The following NPSR1 variants were observed in gnomAD, a reference collection of about 807,000 sequenced individuals.
The protein encoded by NPSR1 is neuropeptide S receptor.
In NPSR1, 48 loss-of-function variants were observed where a neutral mutation model predicts 46.9. The ratio of observed to expected loss-of-function variants is 1.02; its 90% CI spans 0.81 to 1.30. The LOEUF is 1.30. NPSR1 is among the 50% of genes most tolerant of loss of function. The probability of loss-of-function intolerance (pLI) is 0.00; values close to 1 mark genes in which losing one functional copy is unlikely to be tolerated. For synonymous variants in NPSR1, 176 were observed against 168.1 expected (o/e 1.05, Z -0.36); for missense variants, 450 against 449.5 (o/e 1.00, Z -0.01).
rs1784054159 is a variant in NPSR1 at position 34,724,845 on chromosome 7, T to C, written c.280+40161T>C. 2.0e-5 allele frequency among the ~76,000 whole-genome samples: 3 copies of C among 152,164 alleles called. No homozygotes were observed. In the South Asian group the frequency reaches 6.2e-4, roughly 32 times the overall value. ...ATGGGAGTGATAACTACCATCATTA[T>C]ATTACATGGAAAGTACAAAACAAAT... On this transcript the variant is annotated intron_variant, in intron 2 of 8. Coordinates refer to ENST00000360581, the MANE Select transcript of NPSR1 (RefSeq NM_207172.2).
intron 8 of NPSR1, among the ~76,000 whole-genome samples, chr7:34,863,638 T>G (rs1461113383): frequency 6.6e-6 from 1 of 151,852 alleles, no homozygotes; most frequent in Non-Finnish European, 1.5e-5. Flanking sequence ...TCATCATCAA[T>G]TGGTCATTAG....
chr7:34,832,527 G>A (rs1303857873), intron 5 of NPSR1, among the ~76,000 whole-genome samples: 1 of 151,992 alleles, frequency 6.6e-6, no homozygotes, highest in Non-Finnish European at 1.5e-5. Context: ...AAAAAAATGG[G>A]GACACACAGC....
intron 3 of NPSR1, chr7:34,779,820 A>G (rs773618361): frequency 1.8e-5 from 4 of 224,042 alleles, no homozygotes; most frequent in African/African-American, 6.8e-5. Flanking sequence ...GCTTAAAACA[A>G]TAAACATTTA....
chr7:34,807,158 A>AT (rs965904602), intron 3 of NPSR1, among the ~76,000 whole-genome samples: 1 of 152,080 alleles, frequency 6.6e-6, no homozygotes, highest in African/African-American at 2.4e-5. Context: ...TCCAAGTGGT[A>AT]TTTTTTAAAA....
intron 2 of NPSR1, chr7:34,750,742 T>C (rs1280503422): frequency 4.3e-6 from 3 of 694,596 alleles, no homozygotes; most frequent in Non-Finnish European, 8.2e-6. Flanking sequence ...TGCAAGGGCC[T>C]TGCTCTGTGA....
chr7:34,874,265 G>A (rs1791527682), intron 8 of NPSR1, among the ~76,000 whole-genome samples: 2 of 152,308 alleles, frequency 1.3e-5, no homozygotes, highest in African/African-American at 4.8e-5. Context: ...TTGCTCAAAT[G>A]TAATGTAGAA....
In NPSR1 at chr7:34,658,466, G is replaced by T. The variant is rs144511471; in HGVS notation, c.54G>T (p.Thr18=). Residue 18 remains threonine (T), a synonymous_variant, in exon 1 of 9, where the codon ACG becomes ACT. Coordinates refer to ENST00000360581, the MANE Select transcript of NPSR1 (RefSeq NM_207172.2). ...GSFDSSGTGQ[T]LDSSPVACTE... ...TCGATTCCAGTGGGACCGGGCAGACGCTGGATTCTTCCCCAGTGGCTTGCA... is the reference window on the plus strand; with the variant it reads ...TCGATTCCAGTGGGACCGGGCAGACTCTGGATTCTTCCCCAGTGGCTTGCA... 3 of 1,614,116 alleles carry T rather than the reference G, an allele frequency of 1.9e-6. No individual in the cohort carries two copies. The highest frequency in any genetic ancestry group is 1.7e-4 in the Middle Eastern group (1 of 6,060).
chr7:34,712,118 G>C (rs964559589), intron 2 of NPSR1, among the ~76,000 whole-genome samples: 2 of 152,012 alleles, frequency 1.3e-5, no homozygotes, highest in African/African-American at 4.8e-5. Flanking sequence ...GCTTATTTAC[G>C]TTATCTCTCC....
intron 1 of NPSR1, among the ~76,000 whole-genome samples, chr7:34,662,444 C>T (rs1000226573): frequency 3.9e-5 from 6 of 152,192 alleles, no homozygotes; most frequent in Admixed American, 2.0e-4. Context: ...TGCAAGGGAG[C>T]TCCTTCCTGC....
At chr7:34,751,053 G>T in intron 2 of NPSR1, 1 of 776,172 alleles carries the variant, frequency 1.3e-6, no homozygotes, top group Admixed American at 1.7e-5. Context: ...GAGCAGCATG[G>T]CCATCTCACT....
At chr7:34,707,570 A>G (rs891819380) in intron 2 of NPSR1, among the ~76,000 whole-genome samples, 1 of 152,226 alleles carries the variant, frequency 6.6e-6, no homozygotes, top group African/African-American at 2.4e-5. Flanking sequence ...ACCACTTACT[A>G]TGGCGAGGCA....
At chr7:34,672,930 T>C (rs1010471602) in intron 1 of NPSR1, among the ~76,000 whole-genome samples, 1 of 152,188 alleles carries the variant, frequency 6.6e-6, no homozygotes, top group Non-Finnish European at 1.5e-5. Flanking sequence ...AGCTCCAGCT[T>C]GCTCATTGTA....
chr7:34,784,639 A>T (rs1285872614), intron 3 of NPSR1, among the ~76,000 whole-genome samples: 4 of 152,078 alleles, frequency 2.6e-5, no homozygotes, highest in Non-Finnish European at 5.9e-5. Flanking sequence ...ATTGGTCTAA[A>T]ATTCTCTTTT....
intron 3 of NPSR1, among the ~76,000 whole-genome samples, chr7:34,799,052 A>G (rs1788340765): frequency 1.3e-5 from 2 of 152,148 alleles, no homozygotes; most frequent in South Asian, 2.1e-4. Context: ...GAAACTAGAG[A>G]AAGAAAAGAA....
intron 8 of NPSR1, chr7:34,877,998 G>T: frequency 1.3e-6 from 1 of 786,312 alleles, no homozygotes. Flanking sequence ...CCACAGTGAG[G>T]TCACACATTC....
At chr7:34,827,634 G>C in intron 5 of NPSR1, 32 bp downstream of exon 5, 1 of 1,223,772 alleles carries the variant, frequency 8.2e-7, no homozygotes. Flanking sequence ...ACCACACGGG[G>C]GGGTGGGGCG....
At chr7:34,821,993 G>C (rs1789581131) in intron 4 of NPSR1, among the ~76,000 whole-genome samples, 1 of 152,170 alleles carries the variant, frequency 6.6e-6, no homozygotes, top group South Asian at 2.1e-4. Context: ...GAGAGCCAAG[G>C]AAAGAAGCCA....
In NPSR1 at chr7:34,832,922, C is replaced by T. The variant is rs1488011975; in HGVS notation, c.681-1462C>T. Among the ~76,000 whole-genome samples, 3 of 152,116 alleles carry T rather than the reference C, an allele frequency of 2.0e-5. No individual in the cohort carries two copies. In the East Asian group the frequency reaches 5.8e-4, roughly 29 times the overall value. On this transcript the variant is annotated intron_variant, in intron 5 of 8. Coordinates refer to ENST00000360581, the MANE Select transcript of NPSR1 (RefSeq NM_207172.2). ...AACTTAGGGTTGAACTCACTAATAACATTTTTCTCATTTTTTCTTTACTGC... is the reference window on the plus strand; with the variant it reads ...AACTTAGGGTTGAACTCACTAATAATATTTTTCTCATTTTTTCTTTACTGC...
At chr7:34,868,991 G>T (rs1164032011) in intron 8 of NPSR1, among the ~76,000 whole-genome samples, 1 of 151,640 alleles carries the variant, frequency 6.6e-6, no homozygotes, top group Non-Finnish European at 1.5e-5. Context: ...CTGAGGACCT[G>T]CCCCTTGCTG....
Sources: allele counts gnomAD v4.1 joint callset (sites outside exome capture counted in the v4.1 genomes callset), GRCh38; gene constraint gnomAD v4.1.1; transcripts MANE v1.5; gene names NCBI Gene and HGNC (gene_info 2026-07-23, HGNC 2026-07-21).